Variants in EYA2 observed in about 807,000 individuals in gnomAD.
EYA2 encodes the protein protein phosphatase EYA2.
Under a neutral mutation model 69.2 loss-of-function variants are expected in EYA2, and 31 were observed. The observed-to-expected ratio is 0.45, with a 90% CI of 0.34 to 0.60. The LOEUF (loss-of-function observed/expected upper bound fraction) is 0.60, where lower values mean the gene tolerates loss of function less well. Ranked by LOEUF, EYA2 falls within the 20% of genes least tolerant of loss-of-function variation. EYA2 has a pLI of 0.02. For synonymous variants in EYA2, 257 were observed against 279.4 expected, an observed-to-expected ratio of 0.92 and a Z score of 0.80; for missense variants, 622 against 701.2, an observed-to-expected ratio of 0.89 and a Z score of 1.28.
intron 9 of EYA2, among the ~76,000 whole-genome samples, chr20:47,139,892 C>T (rs1237960994): frequency 1.3e-5 from 2 of 152,206 alleles, no homozygotes; most frequent in Non-Finnish European, 2.9e-5. Flanking sequence ...CATGTCTTCC[C>T]AGTATCAGTC....
At chr20:46,895,456 C>T (rs1161566367) in intron 1 of EYA2, among the ~76,000 whole-genome samples, 1 of 152,228 alleles carries the variant, frequency 6.6e-6, no homozygotes, top group Non-Finnish European at 1.5e-5. Context: ...CGGCTTGGGG[C>T]TGGAACGGCC....
chr20:46,902,493 T>G (rs1984160869), intron 1 of EYA2, among the ~76,000 whole-genome samples: 1 of 152,220 alleles, frequency 6.6e-6, no homozygotes, highest in Non-Finnish European at 1.5e-5. Context: ...CAGGATCACA[T>G]GGCTTATGCC....
intron 2 of EYA2, among the ~76,000 whole-genome samples, chr20:46,993,432 G>C (rs1312955224): frequency 6.6e-6 from 1 of 152,178 alleles, no homozygotes; most frequent in East Asian, 1.9e-4. Context: ...TGCATCTGCT[G>C]TTTCCTCTGT....
chr20:47,173,430 G>A (rs778704600), intron 12 of EYA2, among the ~76,000 whole-genome samples: 1 of 148,950 alleles, frequency 6.7e-6, no homozygotes, highest in Non-Finnish European at 1.5e-5. Flanking sequence ...TAGAAGTGCA[G>A]GGTCACCAGC....
intron 2 of EYA2, among the ~76,000 whole-genome samples, chr20:46,996,690 A>G (rs889868164): frequency 1.3e-5 from 2 of 152,232 alleles, no homozygotes; most frequent in Non-Finnish European, 2.9e-5. Context: ...CCGTTCTCGC[A>G]CTGCCATAAA....
At chr20:47,117,752 G>C (rs1045924565) in intron 9 of EYA2, 3 of 929,824 alleles carry the variant, frequency 3.2e-6, no homozygotes, top group Non-Finnish European at 3.8e-6. Flanking sequence ...AGGACTATTA[G>C]TTAATTCAGA....
chr20:47,169,100 GT>G, intron 10 of EYA2, 38 bp from the exon 11 acceptor site: 1 of 1,506,944 alleles, frequency 6.6e-7, no homozygotes, highest in Non-Finnish European at 9.2e-7. Flanking sequence ...AACCAGGCAT[GT>G]TCTCTCTCTC....
chr20:47,057,617 A>G (rs2030697327), intron 5 of EYA2, among the ~76,000 whole-genome samples: 1 of 151,556 alleles, frequency 6.6e-6, no homozygotes, highest in Admixed American at 6.6e-5. Context: ...ATTAAGATGG[A>G]GAACACATGC....
chr20:47,051,816 C>T (rs925767845), intron 5 of EYA2, among the ~76,000 whole-genome samples: 37 of 152,048 alleles, frequency 2.4e-4, no homozygotes, highest in African/African-American at 8.2e-4. Flanking sequence ...ATCAGTGAAA[C>T]GATTGAAAGG....
At chr20:46,994,484 G>A (rs1021628999) in intron 2 of EYA2, among the ~76,000 whole-genome samples, 2 of 152,106 alleles carry the variant, frequency 1.3e-5, no homozygotes, top group African/African-American at 4.8e-5. Context: ...ACCACCCTAC[G>A]CTACAAGCTG....
intron 1 of EYA2, among the ~76,000 whole-genome samples, chr20:46,980,247 G>A (rs1453074155): frequency 6.6e-6 from 1 of 152,216 alleles, no homozygotes; most frequent in Admixed American, 6.5e-5. Context: ...CATGCAGAGA[G>A]ATTTAAGCCT....
chr20:47,069,251 T>C (rs2031224586), intron 5 of EYA2, among the ~76,000 whole-genome samples: 1 of 152,172 alleles, frequency 6.6e-6, no homozygotes, highest in South Asian at 2.1e-4. Context: ...CCCAACACTT[T>C]GGGAAGCTGA....
At chr20:47,020,292 T>C (rs542584225) in intron 5 of EYA2, among the ~76,000 whole-genome samples, 2 of 152,252 alleles carry the variant, frequency 1.3e-5, no homozygotes, top group South Asian at 2.1e-4. Context: ...TCCCACTAGG[T>C]CTTCTAGCTA....
chr20:47,165,593 G>T (rs1206498349), intron 10 of EYA2, among the ~76,000 whole-genome samples: 1 of 152,184 alleles, frequency 6.6e-6, no homozygotes, highest in African/African-American at 2.4e-5. Flanking sequence ...CTGCCCGTGG[G>T]TCACAGAGGT....
intron 5 of EYA2, among the ~76,000 whole-genome samples, chr20:47,044,533 A>G (rs2029932597): frequency 1.3e-5 from 2 of 152,210 alleles, no homozygotes; most frequent in South Asian, 4.1e-4. Flanking sequence ...GGTGGGGGCA[A>G]TAGCAAGTTG....
chr20:46,943,482 C>A (rs1226115692), intron 1 of EYA2, among the ~76,000 whole-genome samples: 1 of 152,160 alleles, frequency 6.6e-6, no homozygotes, highest in Admixed American at 6.5e-5. Flanking sequence ...AGAAATACGC[C>A]AGCCTGAGGG....
chr20:47,138,687 C>T (rs143778939), intron 9 of EYA2, among the ~76,000 whole-genome samples: 2,602 of 151,150 alleles, frequency 0.017, 113 homozygotes, highest in East Asian at 0.17. Flanking sequence ...CCTGGGAGGT[C>T]GAGGCTGCAG....
chr20:46,904,689 C>T lies in EYA2; in HGVS notation c.-11+9702C>T, dbSNP rs373426755. ...TATTTCTCATTTTTCTCCTGCTACT[C>T]GATCCTGCCAAAGACGCACGGCCCC... On this transcript the variant is annotated intron_variant, in intron 1 of 15. Transcript: ENST00000327619. Among the ~76,000 whole-genome samples the T allele has an allele frequency of 1.2e-3, 179 of 152,306 alleles. 2 individuals carry two copies. The South Asian group carries it at 0.03, about 26-fold the overall frequency.
intron 1 of EYA2, among the ~76,000 whole-genome samples, chr20:46,938,294 A>G (rs1986007696): frequency 6.6e-6 from 1 of 152,226 alleles, no homozygotes; most frequent in Admixed American, 6.5e-5. Flanking sequence ...TTGTGAAACC[A>G]TGAGAGTTAC....
Sources: gnomAD v4.1 joint callset for allele counts (sites outside exome capture counted in the v4.1 genomes callset) on GRCh38, gnomAD v4.1.1 for gene constraint, MANE v1.5 for transcripts, NCBI Gene and HGNC (gene_info 2026-07-23, HGNC 2026-07-21) for gene names.